Variants in PTPRK observed in about 807,000 individuals in gnomAD.
PTPRK encodes the protein protein tyrosine phosphatase receptor type K.
A neutral mutation model predicts 178.0 loss-of-function variants in PTPRK; 75 were observed. That is an observed-to-expected ratio of 0.42 (90% CI 0.35 to 0.51). The LOEUF (loss-of-function observed/expected upper bound fraction) is 0.51, where lower values mean the gene tolerates loss of function less well. Ranked by LOEUF, PTPRK falls within the 20% of genes least tolerant of loss-of-function variation. PTPRK has a pLI of 0.02. For missense variants in PTPRK, 1,441 were observed against 1,797.8 expected (o/e 0.80, Z 3.59); for synonymous variants, 637 against 620.6 (o/e 1.03, Z -0.39).
intron 1 of PTPRK, among the ~76,000 whole-genome samples, chr6:128,403,296 C>T (rs927759812): frequency 1.3e-5 from 2 of 152,184 alleles, no homozygotes; most frequent in African/African-American, 4.8e-5. Context: ...TTCAGTTCCA[C>T]CCCCTTCATC....
intron 1 of PTPRK, among the ~76,000 whole-genome samples, chr6:128,432,605 T>C (rs1844978260): frequency 6.6e-6 from 1 of 152,160 alleles, no homozygotes; most frequent in Admixed American, 6.5e-5. Context: ...AAAACTATTT[T>C]AAGTGAGTCA....
intron 6 of PTPRK, among the ~76,000 whole-genome samples, chr6:128,195,116 A>G (rs1018200378): frequency 3.3e-5 from 5 of 151,986 alleles, no homozygotes; most frequent in Non-Finnish European, 5.9e-5. Flanking sequence ...CCACATCTAG[A>G]ATATAAATAC....
In PTPRK at chr6:128,105,210, C is replaced by A. The variant is rs923710127; in HGVS notation, c.1163-15218G>T. Among the ~76,000 whole-genome samples the A allele has an allele frequency of 2.0e-5, 3 of 151,858 alleles. No homozygotes were observed. In the South Asian group the frequency reaches 6.2e-4, roughly 32 times the overall value. On this transcript the variant is annotated intron_variant, in intron 7 of 29. Transcript: ENST00000368226. ...GTGCAGTGGCACGATCTCGGCTCAC[C>A]GCAAGCTCCGCCTCCCGGGTTCGCG...
chr6:128,278,825 T>C (rs1430822175), intron 3 of PTPRK, among the ~76,000 whole-genome samples: 7 of 152,158 alleles, frequency 4.6e-5, no homozygotes, highest in Non-Finnish European at 7.3e-5. Flanking sequence ...ATGAGACACA[T>C]CCAATAAGAT....
chr6:128,272,185 T>TA (rs1269035663), intron 3 of PTPRK, among the ~76,000 whole-genome samples: 1 of 152,112 alleles, frequency 6.6e-6, no homozygotes, highest in Non-Finnish European at 1.5e-5. Flanking sequence ...ATTCCTTCCT[T>TA]ACACCTTATA....
chr6:128,376,546 A>G (rs1253934406), intron 2 of PTPRK, among the ~76,000 whole-genome samples: 2 of 151,992 alleles, frequency 1.3e-5, no homozygotes, highest in Non-Finnish European at 2.9e-5. Flanking sequence ...GACATCTAAC[A>G]TATCCTGAGA....
chr6:128,371,119 C>T (rs919884957), intron 2 of PTPRK, among the ~76,000 whole-genome samples: 1 of 152,156 alleles, frequency 6.6e-6, no homozygotes, highest in East Asian at 1.9e-4. Flanking sequence ...CGCTTTCCCA[C>T]GCTCTTCCAC....
At chr6:128,080,880 A>G (rs942436089) in intron 10 of PTPRK, among the ~76,000 whole-genome samples, 1 of 152,092 alleles carries the variant, frequency 6.6e-6, no homozygotes, top group Non-Finnish European at 1.5e-5. Context: ...AGTACAATCA[A>G]GTACTCATTG....
At chr6:128,279,293 TAAC>T (rs1324789231) in intron 3 of PTPRK, among the ~76,000 whole-genome samples, 5 of 151,900 alleles carry the variant, frequency 3.3e-5, no homozygotes, top group Admixed American at 2.0e-4. Flanking sequence ...TGATTCTAAT[TAAC>T]AACAACAAAA....
chr6:128,031,583 T>C (rs1775342466), intron 13 of PTPRK, among the ~76,000 whole-genome samples: 1 of 152,168 alleles, frequency 6.6e-6, no homozygotes, highest in Non-Finnish European at 1.5e-5. Flanking sequence ...GTTGTTATTG[T>C]TGGGGAGGAA....
At chr6:128,512,987 G>T (rs1001888915) in intron 1 of PTPRK, among the ~76,000 whole-genome samples, 2 of 152,106 alleles carry the variant, frequency 1.3e-5, no homozygotes, top group African/African-American at 4.8e-5. Context: ...TTTGCATATA[G>T]CATGTTTGGT....
intron 13 of PTPRK, among the ~76,000 whole-genome samples, chr6:128,013,409 AC>A (rs1478506137): frequency 6.6e-6 from 1 of 151,346 alleles, no homozygotes; most frequent in African/African-American, 2.4e-5. Context: ...CGAATTCCTG[AC>A]CCATGGAGTC....
In PTPRK at chr6:128,286,683, C is replaced by A. The variant is rs116135667; in HGVS notation, c.495+35356G>T. Among the ~76,000 whole-genome samples the A allele has an allele frequency of 2.2e-3, 335 of 152,230 alleles. 3 individuals carry two copies. Among genetic ancestry groups the A allele is most frequent in the African/African-American group, 7.7e-3 (320 of 41,530 alleles). On this transcript the variant is annotated intron_variant, in intron 3 of 29. Transcript: ENST00000368226. ...GTTCATGTTATTCTGCTTCTTTGCA[C>A]GCAGATTTTATATTGTTTGATGCTG...
chr6:128,283,471 T>C (rs1225202118), intron 3 of PTPRK, among the ~76,000 whole-genome samples: 1 of 152,146 alleles, frequency 6.6e-6, no homozygotes, highest in East Asian at 1.9e-4. Flanking sequence ...GTAATAATGC[T>C]GGGGGAAAGA....
chr6:128,504,985 C>T (rs1856106952), intron 1 of PTPRK, among the ~76,000 whole-genome samples: 2 of 151,876 alleles, frequency 1.3e-5, no homozygotes, highest in African/African-American at 4.8e-5. Context: ...GCTTTTAGAA[C>T]TGTTTCATAT....
Position 128,083,841 on chromosome 6 carries a change from T to G in PTPRK, c.1466-17A>C, listed in dbSNP as rs750593698. The G allele has an allele frequency of 5.6e-6, 8 of 1,440,636 alleles. No individual in the cohort carries two copies. The highest frequency in any genetic ancestry group is 2.0e-5 in the Admixed American group (1 of 49,884). 89.2% of individuals were successfully genotyped at this position (1,440,636 alleles called of 1,614,324 possible). A position where few individuals can be genotyped will look rare whatever the true frequency, so the allele number is the denominator to read the frequency against. On this transcript the variant is annotated splice_polypyrimidine_tract_variant and intron_variant, in intron 8 of 29. Coordinates refer to ENST00000368226, the MANE Select transcript of PTPRK (RefSeq NM_002844.4). ...GACCAGGCACTACAAAACACATGAA[T>G]TTTTTGTTATGAAAATGCTTACATT...
At chr6:127,973,591 T>C (rs908455438) in intron 28 of PTPRK, 73 bp downstream of exon 28, 3 of 1,546,896 alleles carry the variant, frequency 1.9e-6, no homozygotes, top group Admixed American at 3.6e-5. Flanking sequence ...GCAAGCCAGA[T>C]AGTCTTTAAC....
At chr6:128,367,231 G>A (rs1224829213) in intron 2 of PTPRK, among the ~76,000 whole-genome samples, 2 of 152,056 alleles carry the variant, frequency 1.3e-5, no homozygotes. Context: ...ACTATATTCT[G>A]CATGCTGGTT....
chr6:128,057,902 T>A (rs1195785835), intron 13 of PTPRK, among the ~76,000 whole-genome samples: 1 of 152,308 alleles, frequency 6.6e-6, no homozygotes, highest in Admixed American at 6.5e-5. Context: ...TTATTTTACC[T>A]CTTTTTTACA....
Sources: allele counts gnomAD v4.1 joint callset (sites outside exome capture counted in the v4.1 genomes callset), GRCh38; gene constraint gnomAD v4.1.1; transcripts MANE v1.5; gene names NCBI Gene and HGNC (gene_info 2026-07-23, HGNC 2026-07-21).